Variants in ARHGAP26 observed in about 807,000 individuals in gnomAD.
ARHGAP26 encodes the protein rho GTPase-activating protein 26.
Under a neutral mutation model 104.8 loss-of-function variants are expected in ARHGAP26, and 38 were observed. That is an observed-to-expected ratio of 0.36 (90% CI 0.28 to 0.48). The LOEUF (loss-of-function observed/expected upper bound fraction) is 0.48. Ranked by LOEUF, ARHGAP26 falls within the 20% of genes least tolerant of loss-of-function variation. The pLI is 0.99. For missense variants in ARHGAP26, 704 were observed against 947.9 expected (o/e 0.74, Z 3.38); for synonymous variants, 341 against 340.0 (o/e 1.00, Z -0.03).
At chr5:143,096,340 G>A (rs899483320) in intron 17 of ARHGAP26, among the ~76,000 whole-genome samples, 3 of 152,166 alleles carry the variant, frequency 2.0e-5, no homozygotes, top group African/African-American at 7.2e-5. Context: ...CTAAAATTAT[G>A]ACGTTTTCTT....
chr5:142,830,768 GC>G (rs1768247092), intron 1 of ARHGAP26, among the ~76,000 whole-genome samples: 2 of 152,180 alleles, frequency 1.3e-5, no homozygotes, highest in African/African-American at 4.8e-5. Flanking sequence ...TCATCTCTTT[GC>G]CATTGTAAAT....
chr5:142,882,267 A>G (rs931926971), intron 4 of ARHGAP26, among the ~76,000 whole-genome samples: 1 of 152,232 alleles, frequency 6.6e-6, no homozygotes, highest in Admixed American at 6.5e-5. Context: ...CTTGCCTCGT[A>G]GAGTTATTAT....
At chr5:143,134,333 C>G (rs945633700) in intron 19 of ARHGAP26, among the ~76,000 whole-genome samples, 1 of 152,200 alleles carries the variant, frequency 6.6e-6, no homozygotes, top group African/African-American at 2.4e-5. Flanking sequence ...GATTCTCTTT[C>G]CAGATCACCT....
intron 16 of ARHGAP26, 124 bp from the exon 17 acceptor site, chr5:143,057,518 A>G: frequency 2.6e-6 from 2 of 767,108 alleles, no homozygotes; most frequent in East Asian, 2.5e-5. Context: ...ACAAGACAGG[A>G]TTGTAAATCT....
chr5:142,901,788 C>G, intron 6 of ARHGAP26, 147 bp from the exon 7 acceptor site: 2 of 639,378 alleles, frequency 3.1e-6, no homozygotes, highest in Non-Finnish European at 5.5e-6. Flanking sequence ...GGCATAGTGC[C>G]TGGCACACAA....
In ARHGAP26 at chr5:142,948,732, TC is replaced by T. The variant is rs1160657613; in HGVS notation, c.1107+16608del. ...AAACAAAATAATAATACTTTAAAAA[TC>T]TTAGGACTTAAAATTGGAGGGAAAC... is the stretch of plus-strand genomic sequence containing the variant. On this transcript the variant is annotated intron_variant, in intron 11 of 22. Coordinates refer to ENST00000645722, the MANE Select transcript of ARHGAP26 (RefSeq NM_001135608.3). Among the ~76,000 whole-genome samples the T allele has an allele frequency of 2.0e-5, 3 of 152,094 alleles. No homozygotes were observed. In the East Asian group the frequency reaches 5.8e-4, roughly 29 times the overall value.
chr5:142,922,110 G>A (rs1470016761), intron 10 of ARHGAP26: 5 of 152,268 alleles, frequency 3.3e-5, no homozygotes, highest in East Asian at 3.9e-4. Context: ...GTTGATACAT[G>A]CTTCAAATAA....
At chr5:143,167,574 T>A (rs925654594) in intron 20 of ARHGAP26, among the ~76,000 whole-genome samples, 1 of 151,566 alleles carries the variant, frequency 6.6e-6, no homozygotes, top group Non-Finnish European at 1.5e-5. Context: ...ATTTCATTTG[T>A]TTGTAGAGTT....
chr5:143,192,759 G>T (rs1806134783), intron 20 of ARHGAP26: 1 of 152,238 alleles, frequency 6.6e-6, no homozygotes, highest in African/African-American at 2.4e-5. Flanking sequence ...TCTCATGGTG[G>T]ATCTAACCCT....
chr5:142,977,702 G>A (rs1773323368), intron 11 of ARHGAP26, among the ~76,000 whole-genome samples: 1 of 152,238 alleles, frequency 6.6e-6, no homozygotes, highest in Non-Finnish European at 1.5e-5. Context: ...GAAGATGGAA[G>A]GTGGTAGGGA....
chr5:143,132,772 C>G (rs953368781), intron 18 of ARHGAP26, among the ~76,000 whole-genome samples: 1 of 151,420 alleles, frequency 6.6e-6, no homozygotes. Flanking sequence ...ACCCATAGTG[C>G]CTACTATAAA....
intron 1 of ARHGAP26, among the ~76,000 whole-genome samples, chr5:142,810,644 A>G (rs1276162072): frequency 2.0e-5 from 3 of 152,244 alleles, no homozygotes; most frequent in Non-Finnish European, 4.4e-5. Context: ...GAACTTAGGA[A>G]GTTCCAGGAA....
chr5:143,028,562 A>G (rs1188809502), intron 12 of ARHGAP26, among the ~76,000 whole-genome samples: 1 of 152,230 alleles, frequency 6.6e-6, no homozygotes, highest in Non-Finnish European at 1.5e-5. Context: ...TATTGGTAAT[A>G]CTAGGTAATA....
At chr5:143,153,505 G>A (rs1056538804) in intron 20 of ARHGAP26, among the ~76,000 whole-genome samples, 1 of 152,222 alleles carries the variant, frequency 6.6e-6, no homozygotes, top group African/African-American at 2.4e-5. Flanking sequence ...TGATTTTAAA[G>A]GAGGAAGTAA....
Position 142,953,091 on chromosome 5 carries a change from G to T in ARHGAP26, c.1107+20966G>T, listed in dbSNP as rs145956119. Reference sequence around the variant, plus strand: ...AACTTATAACACCTTGCACTAGCTAGTCCATGTAAGTTGTTCTGTGGTTTA... The same window carrying T: ...AACTTATAACACCTTGCACTAGCTATTCCATGTAAGTTGTTCTGTGGTTTA... On this transcript the variant is annotated intron_variant, in intron 11 of 22. Coordinates refer to ENST00000645722, the MANE Select transcript of ARHGAP26 (RefSeq NM_001135608.3). 1.6e-4 allele frequency among the ~76,000 whole-genome samples: 25 copies of T among 152,268 alleles called. 1 individual carries two copies. The East Asian group carries it at 4.6e-3, about 28-fold the overall frequency.
chr5:142,782,847 T>C (rs1005922114), intron 1 of ARHGAP26, among the ~76,000 whole-genome samples: 4 of 152,238 alleles, frequency 2.6e-5, no homozygotes, highest in African/African-American at 7.2e-5. Context: ...TGACCTGTTA[T>C]TGGAATCTGC....
chr5:143,208,339 G>A (rs550529648), intron 21 of ARHGAP26, among the ~76,000 whole-genome samples: 6 of 152,308 alleles, frequency 3.9e-5, no homozygotes, highest in East Asian at 3.9e-4. Flanking sequence ...CATCAGAAGC[G>A]TTTTGGGCTT....
At chr5:142,807,535 A>G (rs1432091905) in intron 1 of ARHGAP26, among the ~76,000 whole-genome samples, 2 of 152,142 alleles carry the variant, frequency 1.3e-5, no homozygotes, top group Non-Finnish European at 2.9e-5. Context: ...TCCCTGAGGC[A>G]GCCCACGGCT....
intron 10 of ARHGAP26, among the ~76,000 whole-genome samples, chr5:142,928,065 A>G (rs753312318): frequency 6.6e-6 from 1 of 152,176 alleles, no homozygotes; most frequent in Non-Finnish European, 1.5e-5. Flanking sequence ...CTTGCAGGAG[A>G]TAGATATTAC....
Sources: allele counts gnomAD v4.1 joint callset (sites outside exome capture counted in the v4.1 genomes callset), GRCh38; gene constraint gnomAD v4.1.1; transcripts MANE v1.5; gene names NCBI Gene and HGNC (gene_info 2026-07-23, HGNC 2026-07-21).